Variants in KIAA1671 observed in about 807,000 individuals in gnomAD.
The protein encoded by KIAA1671 is uncharacterized protein KIAA1671.
KIAA1671 carries 52 observed loss-of-function variants against 131.2 expected under a neutral mutation model. The observed-to-expected ratio is 0.40, with a 90% CI of 0.32 to 0.50. The LOEUF (loss-of-function observed/expected upper bound fraction) is 0.50. Among genes scored for constraint, KIAA1671 ranks in the 20% least tolerant of loss-of-function variants. KIAA1671 has a pLI of 0.73. For synonymous variants in KIAA1671, 1,003 were observed against 961.6 expected (o/e 1.04, Z -0.80); for missense variants, 2,360 against 2,364.2 (o/e 1.00, Z 0.04).
At chr22:25,056,068 A>G (rs1354305719) in intron 6 of KIAA1671, 1 of 139,882 alleles carries the variant, frequency 7.1e-6, no homozygotes, top group African/African-American at 2.6e-5. Flanking sequence ...GGGTTTTGCC[A>G]TATTGCCCAG....
At chr22:25,110,112 T>A (rs1931256307) in intron 6 of KIAA1671, 1 of 151,856 alleles carries the variant, frequency 6.6e-6, no homozygotes, top group East Asian at 1.9e-4. Flanking sequence ...GGCAACAGAG[T>A]GAGATCCTGT....
chr22:24,979,553 G>T (rs1923120161), intron 1 of KIAA1671, among the ~76,000 whole-genome samples: 1 of 145,450 alleles, frequency 6.9e-6, no homozygotes, highest in Non-Finnish European at 1.5e-5. Context: ...GTTTCACTGT[G>T]TTAGCCAAGA....
At chr22:25,065,385 C>T (rs1928411826) in intron 6 of KIAA1671, 1 of 152,148 alleles carries the variant, frequency 6.6e-6, no homozygotes, top group Non-Finnish European at 1.5e-5. Context: ...GGAGGAATGT[C>T]ACTGAGCCAT....
At chr22:25,152,414 T>C (rs9612878) in intron 6 of KIAA1671, among the ~76,000 whole-genome samples, 3,211 of 149,112 alleles carry the variant, frequency 0.022, 68 homozygotes, top group Non-Finnish European at 0.03. Context: ...TAAACCTTGC[T>C]GTGAGCACAT....
At chr22:25,087,814 T>C (rs5996833) in intron 6 of KIAA1671, among the ~76,000 whole-genome samples, 118,114 of 152,126 alleles carry the variant, frequency 0.78, 46,866 homozygotes, top group African/African-American at 0.94. Flanking sequence ...GGCAGCTTTT[T>C]CTCCACTGCC....
At chr22:25,014,794 G>A (rs944242035) in intron 1 of KIAA1671, 1 of 152,144 alleles carries the variant, frequency 6.6e-6, no homozygotes, top group Non-Finnish European at 1.5e-5. Flanking sequence ...TCTAGTGGAG[G>A]GGTGAGGCTC....
rs182771447 is a variant in KIAA1671, at chr22:25,070,060, C to T, written c.4530+20696C>T. ...CCTAAAACCCTCCGTGCCTACGGCTCCCGGGAGGGTGAGGGTCCAGGCAGC... is the reference window on the plus strand; with the variant it reads ...CCTAAAACCCTCCGTGCCTACGGCTTCCGGGAGGGTGAGGGTCCAGGCAGC... On this transcript the variant is annotated intron_variant, in intron 6 of 12. Transcript: ENST00000358431. The T allele has an allele frequency of 4.3e-4, 133 of 309,794 alleles. No homozygotes were observed. In the East Asian group the frequency reaches 4.7e-3, roughly 11 times the overall value. The allele number at this position is 309,794 out of a possible 1,614,324, so 19.2% of individuals were successfully genotyped here.
intron 6 of KIAA1671, chr22:25,061,260 A>G (rs1463500156): frequency 6.6e-6 from 1 of 152,182 alleles, no homozygotes; most frequent in Non-Finnish European, 1.5e-5. Flanking sequence ...TGAATCTTCT[A>G]CTTGAACTCG....
intron 6 of KIAA1671, among the ~76,000 whole-genome samples, chr22:25,142,918 C>G (rs1342039330): frequency 6.6e-6 from 1 of 152,154 alleles, no homozygotes; most frequent in Non-Finnish European, 1.5e-5. Context: ...TGCTCCTGTG[C>G]CTTACCTGGG....
intron 6 of KIAA1671, among the ~76,000 whole-genome samples, chr22:25,098,949 G>A (rs1930517834): frequency 6.6e-6 from 1 of 152,218 alleles, no homozygotes; most frequent in African/African-American, 2.4e-5. Flanking sequence ...GCACTCCTGT[G>A]TGGAGGCGTG....
chr22:24,980,403 C>T lies in KIAA1671; in HGVS notation c.-208+27631C>T, dbSNP rs959410526. Reference sequence around the variant, plus strand: ...TCTCCTGCCTTAGCCTCCTGGGTAGCTGGGATTACAGGCACCCGCCACCAC... The same window carrying T: ...TCTCCTGCCTTAGCCTCCTGGGTAGTTGGGATTACAGGCACCCGCCACCAC... On this transcript the variant is annotated intron_variant, in intron 1 of 12. Coordinates refer to ENST00000358431, the MANE Select transcript of KIAA1671 (RefSeq NM_001145206.2). 8.4e-4 allele frequency among the ~76,000 whole-genome samples: 127 copies of T among 151,690 alleles called. 3 individuals are homozygous for T. Among genetic ancestry groups the T allele is most frequent in the Non-Finnish European group, 7.4e-5 (5 of 67,952 alleles).
At position 25,040,528 on chromosome 22, in the gene KIAA1671, A is replaced by G. The variant is rs1926856141; in HGVS notation, c.3398A>G (p.His1133Arg). Residue 1133 changes from histidine (H) to arginine (R), a missense_variant, in exon 5 of 13, where the codon CAT becomes CGT. By Grantham distance (29) the His-to-Arg change is conservative (BLOSUM62 0). Around this residue, in one of 3 missense-constraint regions of KIAA1671, gnomAD observed 1,161 missense variants for 1,204.7 expected, o/e 0.96. Transcript: ENST00000358431. ...RIIDVDALWS[H>R]RGSEDGPRPQ... ...ATTGATGTGGATGCCTTATGGAGTC[A>G]TCGGGGATCAGAAGATGGCCCTCGT... 2 of 1,551,716 alleles carry G rather than the reference A, an allele frequency of 1.3e-6. No homozygotes were observed. Among genetic ancestry groups the G allele is most frequent in the South Asian group, 1.2e-5 (1 of 84,062 alleles).
chr22:25,113,991 G>A (rs1363577232), intron 6 of KIAA1671, among the ~76,000 whole-genome samples: 1 of 152,168 alleles, frequency 6.6e-6, no homozygotes, highest in Non-Finnish European at 1.5e-5. Context: ...CCCACCCTGG[G>A]GAGTGGTGTG....
At position 25,152,599 on chromosome 22, in the gene KIAA1671, A is replaced by C. The variant is rs192745365; in HGVS notation, c.4531-18221A>C. 1.9e-3 allele frequency among the ~76,000 whole-genome samples: 286 copies of C among 152,274 alleles called. 3 individuals are homozygous for C. Among genetic ancestry groups the C allele is most frequent in the African/African-American group, 6.7e-3 (278 of 41,562 alleles). On this transcript the variant is annotated intron_variant, in intron 6 of 12. Coordinates refer to ENST00000358431, the MANE Select transcript of KIAA1671 (RefSeq NM_001145206.2). ...AATTCAAAAAGCTCTCATTTGAGCAAAACTTGCCCCTGTACCAATGCACCT... is the reference window on the plus strand; with the variant it reads ...AATTCAAAAAGCTCTCATTTGAGCACAACTTGCCCCTGTACCAATGCACCT...
At chr22:25,074,127 G>A (rs971818807) in intron 6 of KIAA1671, among the ~76,000 whole-genome samples, 3 of 151,966 alleles carry the variant, frequency 2.0e-5, no homozygotes, top group African/African-American at 4.8e-5. Context: ...CAAATAACAC[G>A]ATCTTCTACT....
Position 25,026,239 on chromosome 22 carries a change from G to A in KIAA1671, c.-56+455G>A, listed in dbSNP as rs1433236951. ...AGTCAGAGCCGGGGGAGCAGTGTGG[G>A]GCCCCAAGGAAGGGAAGTGGAGAGG... On this transcript the variant is annotated intron_variant, in intron 2 of 12. Coordinates refer to ENST00000358431, the MANE Select transcript of KIAA1671 (RefSeq NM_001145206.2). Among the ~76,000 whole-genome samples, 35 of 152,060 alleles carry A rather than the reference G, an allele frequency of 2.3e-4. 2 individuals are homozygous for A. The highest frequency in any genetic ancestry group is 2.3e-3 in the Admixed American group (35 of 15,266).
Position 25,119,953 on chromosome 22 carries a change from A to T in KIAA1671, c.4531-50867A>T, listed in dbSNP as rs1405478792. Among the ~76,000 whole-genome samples, 3 of 152,328 alleles carry T rather than the reference A, an allele frequency of 2.0e-5. 1 individual carries two copies. In the East Asian group the frequency reaches 5.8e-4, roughly 29 times the overall value. ...TTCTGATAGGATGTCAGATTTTAGC[A>T]TTGGAGGGTACTGAGCAAGGGAGAG... On this transcript the variant is annotated intron_variant, in intron 6 of 12. Coordinates refer to ENST00000358431, the MANE Select transcript of KIAA1671 (RefSeq NM_001145206.2).
intron 6 of KIAA1671, among the ~76,000 whole-genome samples, chr22:25,076,923 A>G (rs1929140411): frequency 6.6e-6 from 1 of 152,186 alleles, no homozygotes; most frequent in African/African-American, 2.4e-5. Context: ...GCAATTAGGG[A>G]AACTGAGGCC....
At chr22:25,122,811 A>G (rs1391355539) in intron 6 of KIAA1671, among the ~76,000 whole-genome samples, 6 of 152,098 alleles carry the variant, frequency 3.9e-5, no homozygotes, top group Non-Finnish European at 7.4e-5. Flanking sequence ...CGTCTCTACT[A>G]AAAACACAAA....
Sources: gnomAD v4.1 joint callset for allele counts (sites outside exome capture counted in the v4.1 genomes callset) on GRCh38, gnomAD v4.1.1 for gene constraint, gnomAD v4.1.1 regional missense constraint, MANE v1.5 for transcripts, NCBI Gene and HGNC (gene_info 2026-07-23, HGNC 2026-07-21) for gene names.